Variants in DLG2 observed in about 807,000 individuals in gnomAD.
DLG2 encodes the protein disks large homolog 2.
Under a neutral mutation model 132.5 loss-of-function variants are expected in DLG2, and 45 were observed. The observed-to-expected ratio is 0.34, with a 90% CI of 0.27 to 0.44. The LOEUF (loss-of-function observed/expected upper bound fraction) is 0.44, where lower values mean the gene tolerates loss of function less well. Among genes scored for constraint, DLG2 ranks in the 20% least tolerant of loss-of-function variants. The probability of loss-of-function intolerance (pLI) is 1.00; values close to 1 mark genes in which losing one functional copy is unlikely to be tolerated. For missense variants in DLG2, 1,045 were observed against 1,196.9 expected (o/e 0.87, Z 1.87); for synonymous variants, 424 against 419.6 (o/e 1.01, Z -0.13).
chr11:84,876,783 G>C (rs1261353274), intron 6 of DLG2, among the ~76,000 whole-genome samples: 1 of 152,034 alleles, frequency 6.6e-6, no homozygotes, highest in Non-Finnish European at 1.5e-5. Flanking sequence ...GTAGGGTGTT[G>C]AATTTAGATC....
chr11:85,492,947 CTGA>C (rs1321799148), intron 3 of DLG2, among the ~76,000 whole-genome samples: 1 of 151,874 alleles, frequency 6.6e-6, no homozygotes, highest in Admixed American at 6.6e-5. Context: ...GCTGAAGATG[CTGA>C]TTTTTGTTGG....
At chr11:84,155,789 C>A in intron 9 of DLG2, among the ~76,000 whole-genome samples, 1 of 152,072 alleles carries the variant, frequency 6.6e-6, no homozygotes, top group African/African-American at 2.4e-5. Context: ...TGAACTAGGG[C>A]TCCAAGGGAG....
Position 83,697,545 on chromosome 11 carries a change from C to T in DLG2, c.1826-64220G>A, listed in dbSNP as rs578174540. 9.1e-4 allele frequency among the ~76,000 whole-genome samples: 138 copies of T among 152,266 alleles called. 1 individual carries two copies. Among genetic ancestry groups the T allele is most frequent in the South Asian group, 8.9e-3 (43 of 4,820 alleles). ...GAGTAAGTTCAGTTTTTTGAACTCT[C>T]CTTAAGACAAATCAACCTCCAACCC... On this transcript the variant is annotated intron_variant, in intron 18 of 27. Transcript: ENST00000376104.
In DLG2 at chr11:85,465,783, T is replaced by C. The variant is rs544047323; in HGVS notation, c.40+132874A>G. ...ATAAACATATGTGTGCATGTGTCTT[T>C]ATAGCAGCATGATTTATAATCCTTT... On this transcript the variant is annotated intron_variant, in intron 3 of 27. Transcript: ENST00000376104. Among the ~76,000 whole-genome samples, 486 of 152,118 alleles carry C rather than the reference T, an allele frequency of 3.2e-3. 4 individuals are homozygous for C. Among genetic ancestry groups the C allele is most frequent in the South Asian group, 0.029 (139 of 4,824 alleles).
chr11:84,821,881 T>A (rs1286820005), intron 6 of DLG2, among the ~76,000 whole-genome samples: 1 of 151,732 alleles, frequency 6.6e-6, no homozygotes, highest in Non-Finnish European at 1.5e-5. Flanking sequence ...CAATGCTAAC[T>A]TTTTTTAATC....
chr11:85,373,609 C>T (rs905960677), intron 3 of DLG2, among the ~76,000 whole-genome samples: 19 of 152,264 alleles, frequency 1.2e-4, no homozygotes, highest in African/African-American at 3.4e-4. Flanking sequence ...AGGGAGGAGC[C>T]TGGCCCCTCT....
intron 21 of DLG2, among the ~76,000 whole-genome samples, chr11:83,503,973 A>G (rs922270360): frequency 6.6e-6 from 1 of 152,216 alleles, no homozygotes; most frequent in African/African-American, 2.4e-5. Flanking sequence ...TCGTACAACC[A>G]GAAATGCACC....
intron 6 of DLG2, among the ~76,000 whole-genome samples, chr11:84,603,070 G>A (rs1319740269): frequency 5.9e-5 from 9 of 151,918 alleles, no homozygotes. Context: ...TAGCATAAAA[G>A]CCTAGGTCAA....
chr11:83,655,479 TCAGCTGGGA>T (rs1168142891), intron 18 of DLG2, among the ~76,000 whole-genome samples: 7 of 152,114 alleles, frequency 4.6e-5, no homozygotes, highest in Non-Finnish European at 1.5e-5. Context: ...TTATATTGGG[TCAGCTGGGA>T]CATGCTTGGG....
intron 4 of DLG2, among the ~76,000 whole-genome samples, chr11:85,182,151 AAGT>A (rs1359598103): frequency 1.3e-5 from 2 of 151,982 alleles, no homozygotes; most frequent in African/African-American, 4.8e-5. Context: ...TATTTATTCC[AAGT>A]ACTCTGCCTA....
chr11:83,588,645 A>T (rs2097134664), intron 19 of DLG2, among the ~76,000 whole-genome samples: 2 of 151,608 alleles, frequency 1.3e-5, no homozygotes. Flanking sequence ...ATGGAGAATG[A>T]CTTTGACGAG....
chr11:85,568,712 T>C (rs1313874788), intron 3 of DLG2, among the ~76,000 whole-genome samples: 1 of 152,232 alleles, frequency 6.6e-6, no homozygotes, highest in Non-Finnish European at 1.5e-5. Flanking sequence ...CAATTGCTTA[T>C]ACTATTTTCT....
chr11:84,420,854 G>C (rs1034855842), intron 7 of DLG2, among the ~76,000 whole-genome samples: 1 of 150,514 alleles, frequency 6.6e-6, no homozygotes, highest in African/African-American at 2.4e-5. Context: ...ATTTTTAGTA[G>C]AGACGGGGTT....
chr11:84,167,153 G>A (rs552732070), intron 8 of DLG2: 1 of 379,102 alleles, frequency 2.6e-6, no homozygotes, highest in African/African-American at 2.1e-5. Flanking sequence ...AAAAATGTGT[G>A]TGCATGTTTA....
chr11:83,618,255 T>C (rs2061133972), intron 19 of DLG2, among the ~76,000 whole-genome samples: 1 of 152,198 alleles, frequency 6.6e-6, no homozygotes, highest in Non-Finnish European at 1.5e-5. Context: ...AGTCATCTAA[T>C]ATATAAAATA....
At chr11:84,508,502 A>C (rs1267666685) in intron 7 of DLG2, among the ~76,000 whole-genome samples, 3 of 150,668 alleles carry the variant, frequency 2.0e-5, no homozygotes, top group Admixed American at 1.3e-4. Flanking sequence ...TCCCGGGTTC[A>C]AGCCATTCTC....
intron 3 of DLG2, among the ~76,000 whole-genome samples, chr11:85,468,473 A>G (rs551777177): frequency 1.2e-4 from 19 of 152,122 alleles, no homozygotes; most frequent in Non-Finnish European, 2.1e-4. Context: ...CCCTCTACAC[A>G]CTGCTTTGAA....
Position 84,829,953 on chromosome 11 carries a change from G to C in DLG2, c.357+281708C>G, listed in dbSNP as rs571012487. 9.3e-5 allele frequency among the ~76,000 whole-genome samples: 14 copies of C among 151,296 alleles called. No homozygotes were observed. The East Asian group carries it at 9.8e-4, about 11-fold the overall frequency. ...AAGTCCAAAGATAGGATTTGAGGCA[G>C]AGAGTTTAAGTCATCAATGCTTCAT... On this transcript the variant is annotated intron_variant, in intron 6 of 27. Coordinates refer to ENST00000376104, the MANE Select transcript of DLG2 (RefSeq NM_001142699.3).
chr11:85,135,180 G>A (rs558915901), intron 5 of DLG2, among the ~76,000 whole-genome samples: 1 of 152,282 alleles, frequency 6.6e-6, no homozygotes, highest in Admixed American at 6.5e-5. Context: ...CCATATTCAT[G>A]TTCAAAATAA....
Sources: gnomAD v4.1 joint callset for allele counts (sites outside exome capture counted in the v4.1 genomes callset) on GRCh38, gnomAD v4.1.1 for gene constraint, MANE v1.5 for transcripts, NCBI Gene and HGNC (gene_info 2026-07-23, HGNC 2026-07-21) for gene names.